PRKCH: variants seen among roughly 807,000 people sequenced by gnomAD.
The protein encoded by PRKCH is protein kinase C eta type.
A neutral mutation model predicts 82.5 loss-of-function variants in PRKCH; 28 were observed. The ratio of observed to expected loss-of-function variants is 0.34; its 90% CI spans 0.25 to 0.47. The LOEUF is 0.47. Among genes scored for constraint, PRKCH ranks in the 20% least tolerant of loss-of-function variants. PRKCH has a pLI of 1.00. For synonymous variants in PRKCH, 322 were observed against 327.4 expected (o/e 0.98, Z 0.18); for missense variants, 705 against 881.8 (o/e 0.80, Z 2.54).
intron 1 of PRKCH, among the ~76,000 whole-genome samples, chr14:61,335,046 A>T (rs940449536): frequency 3.3e-5 from 5 of 151,880 alleles, no homozygotes; most frequent in African/African-American, 9.7e-5. Flanking sequence ...TTATTTATTT[A>T]TTTTTTGTAA....
chr14:61,424,079 C>T (rs142801981), intron 2 of PRKCH, among the ~76,000 whole-genome samples: 1 of 152,242 alleles, frequency 6.6e-6, no homozygotes, highest in African/African-American at 2.4e-5. Flanking sequence ...TCATGTAAGA[C>T]ATATCTGCTT....
intron 1 of PRKCH, among the ~76,000 whole-genome samples, chr14:61,261,668 C>CT (rs138788544): frequency 0.095 from 14,178 of 149,936 alleles, 679 homozygotes; most frequent in African/African-American, 0.13. Context: ...ACATCCATAT[C>CT]TTTTTTTTTT....
intron 2 of PRKCH, among the ~76,000 whole-genome samples, chr14:61,402,749 A>G (rs549330445): frequency 2.0e-5 from 3 of 152,180 alleles, no homozygotes; most frequent in Non-Finnish European, 2.9e-5. Flanking sequence ...CAGTGAGCCA[A>G]TATTGTGCCA....
intron 1 of PRKCH, among the ~76,000 whole-genome samples, chr14:61,189,148 CCAGCGCCCCCGCGAGGCCCGGG>C (rs1164669635): frequency 6.6e-6 from 1 of 152,242 alleles, no homozygotes; most frequent in African/African-American, 2.4e-5. Flanking sequence ...TCCCAGCGCC[CCAGCGCCCCCGCGAGGCCCGGG>C]CAGCGTCCGC....
At chr14:61,244,537 G>C (rs2044864811) in intron 1 of PRKCH, among the ~76,000 whole-genome samples, 1 of 152,182 alleles carries the variant, frequency 6.6e-6, no homozygotes, top group South Asian at 2.1e-4. Context: ...CAGATGAGAG[G>C]TTTCCAGCAA....
At position 61,453,243 on chromosome 14, in the gene PRKCH, C is replaced by G; in HGVS notation, c.850C>G (p.His284Asp). The change falls in exon 7 of 14, where the codon CAT becomes GAT. Residue 284 changes from histidine (H) to aspartate (D), a missense_variant. Physicochemically the swap from His to Asp is moderately conservative, Grantham distance 81. Coordinates refer to ENST00000332981, the MANE Select transcript of PRKCH (RefSeq NM_006255.5). ...CCCTCTAGTATGTAAAATGAATGTG[C>G]ATATTCGATGTCAAGCGAACGTGGC... ...LQCKICKMNV[H>D]IRCQANVAPN... 6.2e-7 allele frequency: 1 copy of G among 1,614,144 alleles called. No homozygotes were observed. The highest frequency in any genetic ancestry group is 8.5e-7 in the Non-Finnish European group (1 of 1,180,014).
chr14:61,192,045 T>TGC (rs71114193), intron 1 of PRKCH, among the ~76,000 whole-genome samples: 27 of 148,810 alleles, frequency 1.8e-4, no homozygotes, highest in Non-Finnish European at 3.3e-4. Context: ...TGTGTGTGTG[T>TGC]GCCTGAAATA....
At chr14:61,218,119 A>G (rs1460253697) in intron 1 of PRKCH, among the ~76,000 whole-genome samples, 1 of 152,200 alleles carries the variant, frequency 6.6e-6, no homozygotes, top group Non-Finnish European at 1.5e-5. Flanking sequence ...CCAAATTCAT[A>G]GAAGCATTAT....
intron 2 of PRKCH, among the ~76,000 whole-genome samples, chr14:61,417,671 C>A (rs1241779711): frequency 6.6e-6 from 1 of 151,886 alleles, no homozygotes; most frequent in Non-Finnish European, 1.5e-5. Context: ...ATTTATGGTT[C>A]CTTATAAGGA....
intron 1 of PRKCH, among the ~76,000 whole-genome samples, chr14:61,217,239 A>T (rs1310959797): frequency 6.6e-6 from 1 of 152,078 alleles, no homozygotes; most frequent in Non-Finnish European, 1.5e-5. Context: ...AAAAGATTTT[A>T]AAAATTAGCT....
intron 10 of PRKCH, among the ~76,000 whole-genome samples, chr14:61,518,992 A>T (rs1018899230): frequency 1.3e-5 from 2 of 152,194 alleles, no homozygotes; most frequent in East Asian, 1.9e-4. Flanking sequence ...TTTTTAAAAA[A>T]TTTTGTATAG....
At chr14:61,515,263 G>A (rs58511310) in intron 10 of PRKCH, among the ~76,000 whole-genome samples, 6,318 of 152,208 alleles carry the variant, frequency 0.042, 446 homozygotes, top group African/African-American at 0.15. Flanking sequence ...GGAATTTTGT[G>A]TTTTATTTCT....
intron 9 of PRKCH, among the ~76,000 whole-genome samples, chr14:61,466,993 C>T (rs1454148852): frequency 6.6e-6 from 1 of 152,198 alleles, no homozygotes; most frequent in African/African-American, 2.4e-5. Context: ...AAAATGATCT[C>T]ACGTGTGCTC....
rs1035571551 is a variant in PRKCH at position 61,403,754 on chromosome 14, C to G, written c.427+12466C>G. 7.2e-5 allele frequency among the ~76,000 whole-genome samples: 11 copies of G among 152,126 alleles called. No individual in the cohort carries two copies. The South Asian group carries it at 1.5e-3, about 20-fold the overall frequency. On this transcript the variant is annotated intron_variant, in intron 2 of 13. Transcript: ENST00000332981. Reference sequence around the variant, plus strand: ...TCAGGAGACACATTTCTATGGCACTCGCTTACTGACTAGCATTCTCCTTTT... The same window carrying G: ...TCAGGAGACACATTTCTATGGCACTGGCTTACTGACTAGCATTCTCCTTTT...
chr14:61,349,887 G>T (rs1004969690), intron 1 of PRKCH, among the ~76,000 whole-genome samples: 1 of 151,912 alleles, frequency 6.6e-6, no homozygotes, highest in South Asian at 2.1e-4. Flanking sequence ...AGAAATGCTG[G>T]TATGTCCAAG....
At chr14:61,323,736 C>T (rs1393845697) in intron 1 of PRKCH, among the ~76,000 whole-genome samples, 1 of 152,076 alleles carries the variant, frequency 6.6e-6, no homozygotes. Flanking sequence ...TCCCTTCAGC[C>T]TAATTTACTT....
intron 2 of PRKCH, among the ~76,000 whole-genome samples, chr14:61,439,653 G>A (rs556117974): frequency 6.7e-6 from 1 of 149,004 alleles, no homozygotes; most frequent in Non-Finnish European, 1.5e-5. Context: ...GCACTCCCAG[G>A]CTGCTGTGGC....
chr14:61,506,729 G>C (rs1012212806), intron 10 of PRKCH, among the ~76,000 whole-genome samples: 14 of 152,174 alleles, frequency 9.2e-5, no homozygotes, highest in Non-Finnish European at 1.5e-4. Flanking sequence ...TCTTGAACAG[G>C]CATGTAATGA....
At chr14:61,196,863 T>C (rs1351055666) in intron 1 of PRKCH, among the ~76,000 whole-genome samples, 1 of 152,206 alleles carries the variant, frequency 6.6e-6, no homozygotes, top group African/African-American at 2.4e-5. Flanking sequence ...TTAATCAGTC[T>C]ATTCATCTTT....
Sources: gnomAD v4.1 joint callset for allele counts (sites outside exome capture counted in the v4.1 genomes callset) on GRCh38, gnomAD v4.1.1 for gene constraint, MANE v1.5 for transcripts, NCBI Gene and HGNC (gene_info 2026-07-23, HGNC 2026-07-21) for gene names.